MMP14: variants seen among roughly 807,000 people sequenced by gnomAD.
MMP14 encodes the protein matrix metalloproteinase-14.
MMP14 carries 13 observed loss-of-function variants against 64.8 expected under a neutral mutation model. That is an observed-to-expected ratio of 0.20 (90% CI 0.13 to 0.32). The LOEUF is 0.32. Ranked by LOEUF, MMP14 falls within the 10% of genes least tolerant of loss-of-function variation. The probability of loss-of-function intolerance (pLI) is 1.00; values close to 1 mark genes in which losing one functional copy is unlikely to be tolerated. For missense variants in MMP14, 594 were observed against 783.8 expected (o/e 0.76, Z 2.89); for synonymous variants, 322 against 315.9 (o/e 1.02, Z -0.20).
chr14:22,837,319 A>G, intron 1 of MMP14: 1 of 465,788 alleles, frequency 2.1e-6, no homozygotes, highest in Non-Finnish European at 4.3e-6. Context: ...GTCATGCGCG[A>G]GAGTTTGTTG....
chr14:22,837,016 G>T (rs1244137610), intron 1 of MMP14, 91 bp downstream of exon 1: 2 of 969,758 alleles, frequency 2.1e-6, no homozygotes, highest in Non-Finnish European at 3.2e-6. Context: ...TCGGAGAGGA[G>T]GGCTTTTGGG....
In MMP14 at chr14:22,843,434, C is replaced by T. The variant is rs376251631; in HGVS notation, c.850+16C>T. 20 of 1,606,492 alleles carry T rather than the reference C, an allele frequency of 1.2e-5. No individual in the cohort carries two copies. Among genetic ancestry groups the T allele is most frequent in the Non-Finnish European group, 1.5e-5 (18 of 1,175,428 alleles). On this transcript the variant is annotated intron_variant, in intron 5 of 9. Transcript: ENST00000311852. This position sits in a 1 kb window ranked among gnomAD's most constrained non-coding sequence, Gnocchi z 4.8. ...CAACTTTATGGCGAGTAGTCTACACCCACGCCTGCTCCCTCCTCTGCTGCT... is the reference window on the plus strand; with the variant it reads ...CAACTTTATGGCGAGTAGTCTACACTCACGCCTGCTCCCTCCTCTGCTGCT...
chr14:22,842,249 G>A lies in MMP14; in HGVS notation c.381-161G>A, dbSNP rs2138740440. ...GAGAGCCAGAGCCTGAGGATCCCTTGTTCTTGAGACAGAGGCGTTGCGCAT... is the reference window on the plus strand; with the variant it reads ...GAGAGCCAGAGCCTGAGGATCCCTTATTCTTGAGACAGAGGCGTTGCGCAT... On this transcript the variant is annotated intron_variant, in intron 3 of 9. Coordinates refer to ENST00000311852, the MANE Select transcript of MMP14 (RefSeq NM_004995.4). This position sits in a 1 kb window ranked among gnomAD's most constrained non-coding sequence, Gnocchi z 5.3. 2.9e-6 allele frequency: 3 copies of A among 1,024,126 alleles called. No homozygotes were observed. The Middle Eastern group carries it at 8.4e-4, about 288-fold the overall frequency. 63.4% of individuals were successfully genotyped at this position (1,024,126 alleles called of 1,614,324 possible). A position where few individuals can be genotyped will look rare whatever the true frequency, so the allele number is the denominator to read the frequency against.
rs775091097 is a variant in MMP14 at position 22,843,232 on chromosome 14, A to G, written c.689-25A>G. On this transcript the variant is annotated intron_variant, in intron 4 of 9. Transcript: ENST00000311852. This position sits in a 1 kb window ranked among gnomAD's most constrained non-coding sequence, Gnocchi z 4.8. ...GCTGAGGGAAGGGACTCAGGCTGCTATCGTCACTGTCCCCATCCTTCCAGG... is the reference window on the plus strand; with the variant it reads ...GCTGAGGGAAGGGACTCAGGCTGCTGTCGTCACTGTCCCCATCCTTCCAGG... The G allele has an allele frequency of 3.0e-5, 48 of 1,600,986 alleles. No homozygotes were observed. The highest frequency in any genetic ancestry group is 3.4e-4 in the Middle Eastern group (2 of 5,920).
At chr14:22,837,007 C>T in intron 1 of MMP14, 82 bp downstream of exon 1, 1 of 1,075,604 alleles carries the variant, frequency 9.3e-7, no homozygotes, top group East Asian at 2.6e-5. Context: ...AGCCTCTATT[C>T]GGAGAGGAGG....
At chr14:22,838,830 G>A (rs1190824429) in intron 1 of MMP14, among the ~76,000 whole-genome samples, 1 of 152,160 alleles carries the variant, frequency 6.6e-6, no homozygotes, top group Non-Finnish European at 1.5e-5. Context: ...TAGTCTCTGT[G>A]AGGAGAGAAA....
rs551466591 is a variant in MMP14, at chr14:22,838,504, C to T, written c.108+1579C>T. ...GAGCTGGAGGTCCCCCCACCCTCCC[C>T]TGGACCCCTAAGCCAAGGTGGGAGG... On this transcript the variant is annotated intron_variant, in intron 1 of 9. Coordinates refer to ENST00000311852, the MANE Select transcript of MMP14 (RefSeq NM_004995.4). Among the ~76,000 whole-genome samples, 8 of 152,340 alleles carry T rather than the reference C, an allele frequency of 5.3e-5. No individual in the cohort carries two copies. The East Asian group carries it at 7.7e-4, about 15-fold the overall frequency.
chr14:22,842,104 G>A lies in MMP14; in HGVS notation c.380+69G>A, dbSNP rs1595014455. On this transcript the variant is annotated intron_variant, in intron 3 of 9. Transcript: ENST00000311852. This position sits in a 1 kb window ranked among gnomAD's most constrained non-coding sequence, Gnocchi z 5.3. ...TTTCCTACCCATTGTGCTTATGCAG[G>A]GACTCAGAGACCCCCTGCCCCACTC... The A allele has an allele frequency of 1.9e-6, 3 of 1,593,652 alleles. No homozygotes were observed. Among genetic ancestry groups the A allele is most frequent in the East Asian group, 2.2e-5 (1 of 44,694 alleles).
chr14:22,843,525 A>C lies in MMP14; in HGVS notation c.850+107A>C. The C allele has an allele frequency of 6.9e-7, 1 of 1,443,608 alleles. No individual in the cohort carries two copies. Among genetic ancestry groups the C allele is most frequent in the Non-Finnish European group, 9.4e-7 (1 of 1,061,644 alleles). The allele number at this position is 1,443,608 out of a possible 1,614,324, so 89.4% of individuals were successfully genotyped here. The stretch of plus-strand genomic sequence containing the variant: ...TGCAGTCTCCGCACCGCCCCCTGCC[A>C]ACCTGCCCCTGCCTCTATCAGCTCC... On this transcript the variant is annotated intron_variant, in intron 5 of 9. Transcript: ENST00000311852. This position sits in a 1 kb window ranked among gnomAD's most constrained non-coding sequence, Gnocchi z 4.8.
chr14:22,841,835 T>C lies in MMP14; in HGVS notation c.258-78T>C, dbSNP rs57542488. The C allele has an allele frequency of 0.84, 1,334,042 of 1,596,266 alleles. 558,622 individuals carry two copies. The highest frequency in any genetic ancestry group is 1 in the East Asian group (44,560 of 44,622). On this transcript the variant is annotated intron_variant, in intron 2 of 9. Transcript: ENST00000311852. The stretch of plus-strand genomic sequence containing the variant: ...CCCCACATTGACACACAGCAAGTCT[T>C]ACCCAACACTGATCGTGGAGACCTT...
intron 1 of MMP14, among the ~76,000 whole-genome samples, chr14:22,840,419 T>G (rs2039764934): frequency 6.6e-6 from 1 of 152,242 alleles, no homozygotes; most frequent in African/African-American, 2.4e-5. Context: ...ATGCCAGCCT[T>G]TATATTATGA....
At chr14:22,839,337 G>A (rs566012968) in intron 1 of MMP14, among the ~76,000 whole-genome samples, 42 of 152,376 alleles carry the variant, frequency 2.8e-4, no homozygotes, top group African/African-American at 9.9e-4. Flanking sequence ...GCCACAGCAG[G>A]CCTCCCCAGG....
At chr14:22,845,421 G>T in intron 9 of MMP14, 55 bp downstream of exon 9, 1 of 1,318,570 alleles carries the variant, frequency 7.6e-7, no homozygotes, top group Non-Finnish European at 1.1e-6. Flanking sequence ...AGGGAGTTGA[G>T]GAAGAGCGGG....
intron 1 of MMP14, chr14:22,837,457 G>A (rs959345773): frequency 7.1e-5 from 32 of 453,484 alleles, no homozygotes; most frequent in African/African-American, 4.8e-4. Flanking sequence ...GAGGGTGGAC[G>A]GCCGAGCGTC....
At chr14:22,845,101 C>A in intron 8 of MMP14, 150 bp from the exon 9 acceptor site, 1 of 652,576 alleles carries the variant, frequency 1.5e-6, no homozygotes, top group Non-Finnish European at 2.7e-6. Flanking sequence ...CACCTTCCGC[C>A]GCTTTCAGCA....
Position 22,836,634 on chromosome 14 carries a change from A to G in MMP14, c.-184A>G. 2.0e-6 allele frequency: 1 copy of G among 495,806 alleles called. No individual in the cohort carries two copies. Among genetic ancestry groups the G allele is most frequent in the East Asian group, 3.3e-5 (1 of 30,058 alleles). 30.7% of individuals were successfully genotyped at this position (495,806 alleles called of 1,614,324 possible). A position where few individuals can be genotyped will look rare whatever the true frequency, so the allele number is the denominator to read the frequency against. On this transcript the variant is annotated 5_prime_UTR_variant, in exon 1 of 10. Transcript: ENST00000311852. Reference sequence around the variant, plus strand: ...GAAGAAAGATCAAAAACCGGAAAAGAGGAGAAGAGCAAACAGGCACTTTGA... The same window carrying G: ...GAAGAAAGATCAAAAACCGGAAAAGGGGAGAAGAGCAAACAGGCACTTTGA...
Position 22,842,330 on chromosome 14 carries a change from T to C in MMP14, c.381-80T>C. 1 of 1,502,170 alleles carries C rather than the reference T, an allele frequency of 6.7e-7. No individual in the cohort carries two copies. The highest frequency in any genetic ancestry group is 9.1e-7 in the Non-Finnish European group (1 of 1,102,990). The allele number at this position is 1,502,170 out of a possible 1,614,324, so 93.1% of individuals were successfully genotyped here. ...GGTGGCTGGGCCGCGCAGTCAGACC[T>C]GGGAGAGTGCAGGGAAGGAGAATGT... On this transcript the variant is annotated intron_variant, in intron 3 of 9. Coordinates refer to ENST00000311852, the MANE Select transcript of MMP14 (RefSeq NM_004995.4). This position sits in a 1 kb window ranked among gnomAD's most constrained non-coding sequence, Gnocchi z 5.3.
Position 22,846,124 on chromosome 14 carries a change from C to A in MMP14, c.*85C>A. 1 of 1,284,704 alleles carries A rather than the reference C, an allele frequency of 7.8e-7. No individual in the cohort carries two copies. Among genetic ancestry groups the A allele is most frequent in the Non-Finnish European group, 1.0e-6 (1 of 962,462 alleles). The allele number at this position is 1,284,704 out of a possible 1,614,324, so 79.6% of individuals were successfully genotyped here. ...AGCAGGTGGTGGTGGGTGGGCTGTT[C>A]CCATCGTCCCGAGCCCCCTCCCCGC... is the stretch of plus-strand genomic sequence containing the variant. On this transcript the variant is annotated 3_prime_UTR_variant, in exon 10 of 10. Coordinates refer to ENST00000311852, the MANE Select transcript of MMP14 (RefSeq NM_004995.4).
intron 2 of MMP14, 78 bp downstream of exon 2, chr14:22,841,717 G>A: frequency 6.3e-7 from 1 of 1,589,122 alleles, no homozygotes; most frequent in Non-Finnish European, 8.6e-7. Flanking sequence ...CTACCTGAAT[G>A]CCTGGCTTGT....
Sources: allele counts gnomAD v4.1 joint callset (sites outside exome capture counted in the v4.1 genomes callset), GRCh38; gene constraint gnomAD v4.1.1; non-coding constraint Gnocchi (gnomAD v3.1); transcripts MANE v1.5; gene names NCBI Gene and HGNC (gene_info 2026-07-23, HGNC 2026-07-21).